SLC4A4: variants seen among roughly 807,000 people sequenced by gnomAD.
SLC4A4 encodes solute carrier family 4 member 4, also known as electrogenic sodium bicarbonate cotransporter 1.
SLC4A4 carries 27 observed loss-of-function variants against 111.5 expected under a neutral mutation model. The ratio of observed to expected loss-of-function variants is 0.24; its 90% CI spans 0.18 to 0.33. SLC4A4 has a LOEUF of 0.33. Among genes scored for constraint, SLC4A4 ranks in the 10% least tolerant of loss-of-function variants. The pLI, the probability that SLC4A4 is intolerant of heterozygous loss-of-function variation, is 1.00. For synonymous variants in SLC4A4, 443 were observed against 463.4 expected, an observed-to-expected ratio of 0.96 and a Z score of 0.57; for missense variants, 909 against 1,315.5, an observed-to-expected ratio of 0.69 and a Z score of 4.78.
intron 16 of SLC4A4, among the ~76,000 whole-genome samples, chr4:71,521,397 T>G (rs954391351): frequency 2.6e-5 from 4 of 151,826 alleles, no homozygotes; most frequent in Non-Finnish European, 5.9e-5. Context: ...GCCTGGAAAA[T>G]TTTTTATTTT....
chr4:71,197,805 T>C (rs988474227), intron 1 of SLC4A4, among the ~76,000 whole-genome samples: 1 of 152,244 alleles, frequency 6.6e-6, no homozygotes, highest in Non-Finnish European at 1.5e-5. Flanking sequence ...ACTGATTATA[T>C]GTATAACCAC....
intron 1 of SLC4A4, among the ~76,000 whole-genome samples, chr4:71,190,829 A>G (rs1347840226): frequency 6.6e-6 from 1 of 152,188 alleles, no homozygotes; most frequent in Non-Finnish European, 1.5e-5. Context: ...TTTTCTTCCA[A>G]TCTTCCTAAT....
chr4:71,484,420 T>C (rs1315813128), intron 14 of SLC4A4, among the ~76,000 whole-genome samples: 1 of 151,834 alleles, frequency 6.6e-6, no homozygotes, highest in Admixed American at 6.6e-5. Flanking sequence ...GTACTACTTA[T>C]TGAATAGGGA....
intron 2 of SLC4A4, among the ~76,000 whole-genome samples, chr4:71,123,388 C>T (rs1172073904): frequency 1.3e-5 from 2 of 152,098 alleles, no homozygotes; most frequent in African/African-American, 4.8e-5. Flanking sequence ...TCAGCATTGT[C>T]ATTGGATTTC....
chr4:71,510,566 C>T (rs1731821786), intron 16 of SLC4A4, among the ~76,000 whole-genome samples: 1 of 151,850 alleles, frequency 6.6e-6, no homozygotes, highest in South Asian at 2.1e-4. Flanking sequence ...TCCTTGTTTT[C>T]TTTTGGTTGC....
intron 2 of SLC4A4, among the ~76,000 whole-genome samples, chr4:71,174,851 T>C (rs1745041911): frequency 6.6e-6 from 1 of 152,222 alleles, no homozygotes; most frequent in South Asian, 2.1e-4. Flanking sequence ...TCCTCATGCT[T>C]CAACCTCCCA....
In SLC4A4 at chr4:71,550,574, A is replaced by G. The variant is rs577211643; in HGVS notation, c.2694+2854A>G. ...CCCCTTTGTGACTATGTGTTTTTTT[A>G]GAGAACCAGAGGACAACTTAAGAGA... is the stretch of plus-strand genomic sequence containing the variant. On this transcript the variant is annotated intron_variant, in intron 20 of 25. Coordinates refer to ENST00000264485, the MANE Select transcript of SLC4A4 (RefSeq NM_001098484.3). Among the ~76,000 whole-genome samples the G allele has an allele frequency of 2.0e-5, 3 of 152,014 alleles. No homozygotes were observed. In the East Asian group the frequency reaches 5.8e-4, roughly 30 times the overall value.
At chr4:71,152,018 T>A (rs1206053924) in intron 2 of SLC4A4, among the ~76,000 whole-genome samples, 1 of 151,496 alleles carries the variant, frequency 6.6e-6, no homozygotes, top group Admixed American at 6.6e-5. Flanking sequence ...AGCAAAACCC[T>A]CTCAAAAAAA....
chr4:71,472,547 T>G, intron 13 of SLC4A4, 152 bp from the exon 14 acceptor site: 1 of 756,192 alleles, frequency 1.3e-6, no homozygotes, highest in Non-Finnish European at 2.2e-6. Context: ...ATTCTTAAAC[T>G]TAGTGCTTTC....
chr4:71,528,476 T>C (rs1733608241), intron 16 of SLC4A4, among the ~76,000 whole-genome samples: 1 of 152,108 alleles, frequency 6.6e-6, no homozygotes, highest in South Asian at 2.1e-4. Context: ...TTACAGAGTA[T>C]CTGCAGTAAT....
intron 7 of SLC4A4, among the ~76,000 whole-genome samples, chr4:71,421,112 A>G (rs569467958): frequency 1.3e-5 from 2 of 150,928 alleles, no homozygotes; most frequent in South Asian, 2.2e-4. Context: ...AGAGACACAC[A>G]TAGGCTCAAA....
intron 3 of SLC4A4, among the ~76,000 whole-genome samples, chr4:71,282,895 A>C (rs1006653591): frequency 6.6e-6 from 1 of 152,148 alleles, no homozygotes; most frequent in African/African-American, 2.4e-5. Context: ...TAATTAGACC[A>C]AAAACCCTGG....
chr4:71,177,123 G>A (rs898057560), intron 2 of SLC4A4, among the ~76,000 whole-genome samples: 101 of 152,208 alleles, frequency 6.6e-4, no homozygotes, highest in African/African-American at 2.4e-3. Flanking sequence ...CAGACAAGCA[G>A]ATACTGAGAG....
intron 18 of SLC4A4, among the ~76,000 whole-genome samples, chr4:71,539,677 A>G (rs765704832): frequency 2.5e-4 from 38 of 152,246 alleles, no homozygotes; most frequent in Non-Finnish European, 3.7e-4. Context: ...GTATATTTGT[A>G]TTACTCTGTG....
chr4:71,282,296 A>AT (rs762426176), intron 3 of SLC4A4, among the ~76,000 whole-genome samples: 1,956 of 144,054 alleles, frequency 0.014, 25 homozygotes, highest in African/African-American at 0.038. Context: ...CCTAAAGATG[A>AT]TTTTTTTTTT....
chr4:71,084,607 A>G (rs1742101331), intron 1 of SLC4A4, among the ~76,000 whole-genome samples: 1 of 151,248 alleles, frequency 6.6e-6, no homozygotes, highest in Non-Finnish European at 1.5e-5. Flanking sequence ...TCCTGTGTCC[A>G]TGTGTTCTCA....
chr4:71,515,284 G>T (rs566865254), intron 16 of SLC4A4, among the ~76,000 whole-genome samples: 1 of 151,850 alleles, frequency 6.6e-6, no homozygotes, highest in Non-Finnish European at 1.5e-5. Context: ...ATAAATTTCC[G>T]AAGTTTATAT....
chr4:71,240,089 A>G (rs749808801), intron 2 of SLC4A4, among the ~76,000 whole-genome samples: 1 of 152,090 alleles, frequency 6.6e-6, no homozygotes, highest in Non-Finnish European at 1.5e-5. Flanking sequence ...CGTAGCAATT[A>G]CGTAGTGATT....
intron 18 of SLC4A4, among the ~76,000 whole-genome samples, chr4:71,538,917 C>A: frequency 6.6e-6 from 1 of 151,922 alleles, no homozygotes; most frequent in East Asian, 1.9e-4. Context: ...GAGTCATTGG[C>A]AGAAGAAGGA....
Sources: allele counts gnomAD v4.1 joint callset (sites outside exome capture counted in the v4.1 genomes callset), GRCh38; gene constraint gnomAD v4.1.1; transcripts MANE v1.5; gene names NCBI Gene and HGNC (gene_info 2026-07-23, HGNC 2026-07-21).